The following IMPA1 variants were observed in gnomAD, a reference collection of about 807,000 sequenced individuals.
IMPA1 encodes the protein D-galactose 1-phosphate phosphatase.
Under a neutral mutation model 34.9 loss-of-function variants are expected in IMPA1, and 21 were observed. The observed-to-expected ratio is 0.60, with a 90% CI of 0.43 to 0.87. The LOEUF (loss-of-function observed/expected upper bound fraction) is 0.87, where lower values mean the gene tolerates loss of function less well. Among genes scored for constraint, IMPA1 ranks in the 40% least tolerant of loss-of-function variants. The pLI is 0.00. For missense variants in IMPA1, 299 were observed against 336.4 expected (o/e 0.89, Z 0.87); for synonymous variants, 95 against 104.4 (o/e 0.91, Z 0.55).
chr8:81,679,543 G>A (rs1045044217), intron 3 of IMPA1, among the ~76,000 whole-genome samples: 20 of 151,772 alleles, frequency 1.3e-4, no homozygotes, highest in African/African-American at 4.8e-4. Flanking sequence ...AGCCTGGTAG[G>A]CGGAGGTTGC....
chr8:81,684,335 CTATATATAGTA>C (rs1807403568), intron 1 of IMPA1, among the ~76,000 whole-genome samples: 1 of 140,802 alleles, frequency 7.1e-6, no homozygotes. Context: ...TATTTAGATA[CTATATATAGTA>C]TATATACCAT....
intron 7 of IMPA1, among the ~76,000 whole-genome samples, chr8:81,667,079 T>C (rs1806850023): frequency 6.6e-6 from 1 of 151,636 alleles, no homozygotes; most frequent in South Asian, 2.1e-4. Context: ...ACACTAATAA[T>C]AAAAGACTGA....
At chr8:81,667,200 A>G (rs1010614449) in intron 7 of IMPA1, among the ~76,000 whole-genome samples, 2 of 152,148 alleles carry the variant, frequency 1.3e-5, no homozygotes, top group African/African-American at 2.4e-5. Context: ...GAATTATACT[A>G]TTTTTCAGTG....
chr8:81,680,843 T>C (rs933468677), intron 2 of IMPA1, 60 bp from the exon 3 acceptor site: 2 of 1,263,476 alleles, frequency 1.6e-6, no homozygotes, highest in African/African-American at 3.0e-5. Flanking sequence ...AAAGATAAAA[T>C]ACATAAATGG....
At position 81,658,082 on chromosome 8, in the gene IMPA1, A is replaced by G. The variant is rs1806568399; in HGVS notation, c.*1269T>C. 6.6e-6 allele frequency: 1 copy of G among 151,982 alleles called. No individual in the cohort carries two copies. Among genetic ancestry groups the G allele is most frequent in the Admixed American group, 6.5e-5 (1 of 15,276 alleles). The allele number at this position is 151,982 out of a possible 1,614,324, so 9.4% of individuals were successfully genotyped here. ...CAGTACAAATAATTATAGCAGTCAA[A>G]CCTTAGTATCACACATACTTAATAT... On this transcript the variant is annotated 3_prime_UTR_variant, in exon 9 of 9. Coordinates refer to ENST00000256108, the MANE Select transcript of IMPA1 (RefSeq NM_005536.4).
At chr8:81,669,009 T>C (rs1356553871) in intron 7 of IMPA1, among the ~76,000 whole-genome samples, 1 of 152,150 alleles carries the variant, frequency 6.6e-6, no homozygotes, top group Non-Finnish European at 1.5e-5. Context: ...AGCAGTATGA[T>C]ACTAATTCTG....
At position 81,679,363 on chromosome 8, in the gene IMPA1, C is replaced by T. The variant is rs1807225034; in HGVS notation, c.198-133G>A. 3 of 643,128 alleles carry T rather than the reference C, an allele frequency of 4.7e-6. No individual in the cohort carries two copies. The South Asian group carries it at 5.3e-5, about 11-fold the overall frequency. The allele number at this position is 643,128 out of a possible 1,614,324, so 39.8% of individuals were successfully genotyped here. ...GTGTGGAGGTTCACGCCTGTAATCC[C>T]AGCACTTTGGGAGGCCAGGGAGGGC... On this transcript the variant is annotated intron_variant, in intron 3 of 8. Coordinates refer to ENST00000256108, the MANE Select transcript of IMPA1 (RefSeq NM_005536.4).
At chr8:81,663,821 C>T (rs547349379) in intron 7 of IMPA1, among the ~76,000 whole-genome samples, 120 of 152,230 alleles carry the variant, frequency 7.9e-4, no homozygotes, top group African/African-American at 2.6e-3. Flanking sequence ...AGGTGAATCA[C>T]GAGGTCAAGA....
chr8:81,666,428 T>C (rs1202595715), intron 7 of IMPA1, among the ~76,000 whole-genome samples: 2 of 152,210 alleles, frequency 1.3e-5, no homozygotes, highest in Non-Finnish European at 2.9e-5. Flanking sequence ...TCAATAGGCC[T>C]AACCTATCTG....
At chr8:81,675,255 C>CG (rs1355903019) in intron 5 of IMPA1, among the ~76,000 whole-genome samples, 1 of 151,100 alleles carries the variant, frequency 6.6e-6, no homozygotes, top group Non-Finnish European at 1.5e-5. Flanking sequence ...ACCACCCCCC[C>CG]ACCCCCGCCA....
intron 4 of IMPA1, among the ~76,000 whole-genome samples, chr8:81,676,940 G>A (rs1162448303): frequency 6.6e-6 from 1 of 152,082 alleles, no homozygotes; most frequent in Non-Finnish European, 1.5e-5. Flanking sequence ...GCTGCAGTGA[G>A]CCATAGTCAT....
At chr8:81,682,342 C>T (rs1807325608) in intron 1 of IMPA1, among the ~76,000 whole-genome samples, 2 of 152,138 alleles carry the variant, frequency 1.3e-5, no homozygotes, top group Admixed American at 1.3e-4. Flanking sequence ...AGCTGTCAGA[C>T]TAAAAACTGT....
rs1416085412 is a variant in IMPA1 at position 81,673,780 on chromosome 8, A to C, written c.457+61T>G. 7.3e-6 allele frequency: 7 copies of C among 959,006 alleles called. No individual in the cohort carries two copies. In the African/African-American group the frequency reaches 9.7e-5, roughly 13 times the overall value. 59.4% of individuals were successfully genotyped at this position (959,006 alleles called of 1,614,324 possible). ...TGGAGAATTCCATAGGTGAATATTA[A>C]AAAACAATAAAATATTGAGCACACA... On this transcript the variant is annotated intron_variant, in intron 6 of 8. Coordinates refer to ENST00000256108, the MANE Select transcript of IMPA1 (RefSeq NM_005536.4).
chr8:81,660,491 T>A, intron 8 of IMPA1, 25 bp downstream of exon 8: 1 of 1,604,050 alleles, frequency 6.2e-7, no homozygotes, highest in Non-Finnish European at 8.5e-7. Context: ...TGTGTGGAGA[T>A]CTGCTTCACT....
intron 7 of IMPA1, among the ~76,000 whole-genome samples, chr8:81,670,721 C>T (rs923929254): frequency 6.6e-6 from 1 of 152,112 alleles, no homozygotes; most frequent in African/African-American, 2.4e-5. Flanking sequence ...CTATAAAGGA[C>T]ATTAGCAGAT....
At chr8:81,685,381 T>C (rs1466779400) in intron 1 of IMPA1, among the ~76,000 whole-genome samples, 3 of 139,018 alleles carry the variant, frequency 2.2e-5, no homozygotes, top group Non-Finnish European at 4.5e-5. Context: ...ATGTACTATA[T>C]ATAAGTATAT....
At chr8:81,686,197 A>C in intron 1 of IMPA1, 55 bp downstream of exon 1, 1 of 1,011,628 alleles carries the variant, frequency 9.9e-7, no homozygotes, top group Non-Finnish European at 1.2e-6. Context: ...CCTCCCTGGA[A>C]ACCCACAGCG....
In IMPA1 at chr8:81,673,876, C is replaced by CA; in HGVS notation, c.421dup (p.Cys141LeufsTer2). ...TGAAACTTGTAGTTTTTGACCATTACAAAAGGCACCTTTTCCTTTTCTGGC... is the reference window on the plus strand; with the variant it reads ...TGAAACTTGTAGTTTTTGACCATTACAAAAAGGCACCTTTTCCTTTTCTGGC... On this transcript the variant is annotated frameshift_variant, in exon 6 of 9. Coordinates refer to ENST00000256108, the MANE Select transcript of IMPA1 (RefSeq NM_005536.4). LOFTEE classifies it high-confidence loss of function. The CA allele has an allele frequency of 1.2e-6, 2 of 1,612,488 alleles. No individual in the cohort carries two copies. The highest frequency in any genetic ancestry group is 1.7e-6 in the Non-Finnish European group (2 of 1,178,638).
intron 7 of IMPA1, among the ~76,000 whole-genome samples, chr8:81,667,310 T>C (rs1412532675): frequency 1.3e-5 from 2 of 152,134 alleles, no homozygotes; most frequent in East Asian, 1.9e-4. Context: ...AACTGGAGAT[T>C]AAAGATGAAA....
Sources: gnomAD v4.1 joint callset for allele counts (sites outside exome capture counted in the v4.1 genomes callset) on GRCh38, gnomAD v4.1.1 for gene constraint, MANE v1.5 for transcripts, NCBI Gene and HGNC (gene_info 2026-07-23, HGNC 2026-07-21) for gene names.